The following PLG variants were observed in gnomAD, a reference collection of about 807,000 sequenced individuals.
PLG encodes the protein plasminogen.
PLG carries 41 observed loss-of-function variants against 104.4 expected under a neutral mutation model. The ratio of observed to expected loss-of-function variants is 0.39; its 90% confidence interval spans 0.31 to 0.51. The LOEUF (loss-of-function observed/expected upper bound fraction) is 0.51, where lower values mean the gene tolerates loss of function less well. Ranked by LOEUF, PLG falls within the 20% of genes least tolerant of loss-of-function variation. The probability of loss-of-function intolerance (pLI) is 0.76; values close to 1 mark genes in which losing one functional copy is unlikely to be tolerated. For missense variants in PLG, 891 were observed against 1,003.6 expected, an observed-to-expected ratio of 0.89 and a Z score of 1.52; for synonymous variants, 337 against 357.1, an observed-to-expected ratio of 0.94 and a Z score of 0.63.
intron 8 of PLG, 113 bp downstream of exon 8, chr6:160,718,569 A>T (rs769113729): frequency 1.2e-5 from 16 of 1,343,730 alleles, no homozygotes; most frequent in Middle Eastern, 2.0e-4. Context: ...AGAAAAACTG[A>T]TCTAGTCATA....
rs1391124466 is a variant in PLG at position 160,737,989 on chromosome 6, T to C, written c.1803-549T>C. 6.6e-6 allele frequency among the ~76,000 whole-genome samples: 1 copy of C among 152,038 alleles called. No individual in the cohort carries two copies. Among genetic ancestry groups the C allele is most frequent in the Non-Finnish European group, 1.5e-5 (1 of 68,020 alleles). The stretch of plus-strand genomic sequence containing the variant: ...TTCTTTAAATTTGGTTCCAAATGGC[T>C]CACACCATTATTCTGAGCTATTACC... On this transcript the variant is annotated intron_variant, in intron 14 of 18. Transcript: ENST00000308192. This position sits in a 1 kb window ranked among gnomAD's most constrained non-coding sequence, Gnocchi z 4.7.
rs1777792897 is a variant in PLG, at chr6:160,719,183, G to A, written c.1096+345G>A. 1.3e-5 allele frequency among the ~76,000 whole-genome samples: 2 copies of A among 152,132 alleles called. No individual in the cohort carries two copies. Among genetic ancestry groups the A allele is most frequent in the Admixed American group, 1.3e-4 (2 of 15,274 alleles). On this transcript the variant is annotated intron_variant, in intron 9 of 18. Transcript: ENST00000308192. The surrounding 1 kb of genome is among the most constrained non-coding windows in gnomAD (Gnocchi z 4.1). ...CTTCATTGACTACTGTGGATGAATGGTGATGTGTCCAACTTTAACTGTAAA... is the reference window on the plus strand; with the variant it reads ...CTTCATTGACTACTGTGGATGAATGATGATGTGTCCAACTTTAACTGTAAA...
chr6:160,744,085 A>C lies in PLG; in HGVS notation c.2125+2668A>C, dbSNP rs1322657601. 6.6e-6 allele frequency among the ~76,000 whole-genome samples: 1 copy of C among 152,188 alleles called. No individual in the cohort carries two copies. Reference sequence around the variant, plus strand: ...CAAGTATTTTGTAAAGGATTTTTGCATCAGTGTTCATCAAGGATATTGGCC... The same window carrying C: ...CAAGTATTTTGTAAAGGATTTTTGCCTCAGTGTTCATCAAGGATATTGGCC... On this transcript the variant is annotated intron_variant, in intron 17 of 18. Transcript: ENST00000308192. The surrounding 1 kb of genome is among the most constrained non-coding windows in gnomAD (Gnocchi z 4.5).
rs867833080 is a variant in PLG at position 160,752,475 on chromosome 6, G to A, written c.2271+215G>A. Reference sequence around the variant, plus strand: ...CTTGAGTTCCAAATCAGTAGCAAGCGAGTTTTAAGTGCCATAACTACCTCA... The same window carrying A: ...CTTGAGTTCCAAATCAGTAGCAAGCAAGTTTTAAGTGCCATAACTACCTCA... On this transcript the variant is annotated intron_variant, in intron 18 of 18. Transcript: ENST00000308192. The surrounding 1 kb of genome is among the most constrained non-coding windows in gnomAD (Gnocchi z 4.7). 1.3e-5 allele frequency among the ~76,000 whole-genome samples: 2 copies of A among 152,164 alleles called. No homozygotes were observed. Among genetic ancestry groups the A allele is most frequent in the African/African-American group, 2.4e-5 (1 of 41,440 alleles).
At position 160,732,384 on chromosome 6, in the gene PLG, T is replaced by C. The variant is rs1030689828; in HGVS notation, c.1587+491T>C. Among the ~76,000 whole-genome samples, 2 of 152,264 alleles carry C rather than the reference T, an allele frequency of 1.3e-5. No homozygotes were observed. Among genetic ancestry groups the C allele is most frequent in the Middle Eastern group, 3.4e-3 (1 of 294 alleles). The stretch of plus-strand genomic sequence containing the variant: ...TATAGGAAAAACCAAAGTGTCTGTG[T>C]TCCCCCACTCTCACACCCATGCAGC... On this transcript the variant is annotated intron_variant, in intron 12 of 18. Coordinates refer to ENST00000308192, the MANE Select transcript of PLG (RefSeq NM_000301.5). This position sits in a 1 kb window ranked among gnomAD's most constrained non-coding sequence, Gnocchi z 4.5.
At chr6:160,751,602 C>T (rs181187882) in intron 17 of PLG, among the ~76,000 whole-genome samples, 1 of 152,240 alleles carries the variant, frequency 6.6e-6, no homozygotes, top group Non-Finnish European at 1.5e-5. Context: ...ATCATATTTC[C>T]AGAACATTTT....
chr6:160,748,384 GAAA>G (rs1778322598), intron 17 of PLG, among the ~76,000 whole-genome samples: 2 of 47,178 alleles, frequency 4.2e-5, no homozygotes, highest in African/African-American at 1.4e-4. Flanking sequence ...AAGAAAGAAA[GAAA>G]GAAAGAAAGA....
intron 6 of PLG, among the ~76,000 whole-genome samples, chr6:160,716,425 G>T (rs554137562): frequency 6.6e-6 from 1 of 152,188 alleles, no homozygotes; most frequent in East Asian, 1.9e-4. Context: ...CAATAAGTGG[G>T]ACCCTGTCTC....
intron 2 of PLG, 122 bp from the exon 3 acceptor site, chr6:160,707,578 A>G (rs1289052545): frequency 1.4e-5 from 15 of 1,047,328 alleles, no homozygotes; most frequent in East Asian, 2.5e-5. Flanking sequence ...AGAGGCAGCA[A>G]TTCTGAGCTC....
At position 160,734,745 on chromosome 6, in the gene PLG, G is replaced by GAAAAAAA. The variant is rs201754541; in HGVS notation, c.1681+670_1681+676dup. Among the ~76,000 whole-genome samples the GAAAAAAA allele has an allele frequency of 8.8e-6, 1 of 113,918 alleles. No individual in the cohort carries two copies. Among genetic ancestry groups the GAAAAAAA allele is most frequent in the Non-Finnish European group, 1.9e-5 (1 of 52,604 alleles). The allele number at this position is 113,918 out of a possible 152,430, so 74.7% of individuals were successfully genotyped here. Reference sequence around the variant, plus strand: ...GAATAACAAATCCATGGGTATTTCTGAAAAAAAAAAAAAAAAAAAGAAAGG... The same window carrying GAAAAAAA: ...GAATAACAAATCCATGGGTATTTCTGAAAAAAAAAAAAAAAAAAAAAAAAAAGAAAGG... On this transcript the variant is annotated intron_variant, in intron 13 of 18. Coordinates refer to ENST00000308192, the MANE Select transcript of PLG (RefSeq NM_000301.5). This position sits in a 1 kb window ranked among gnomAD's most constrained non-coding sequence, Gnocchi z 4.4.
chr6:160,709,992 G>C (rs1439647809), intron 3 of PLG, among the ~76,000 whole-genome samples: 7 of 152,168 alleles, frequency 4.6e-5, no homozygotes, highest in Non-Finnish European at 8.8e-5. Context: ...TTCGAATATG[G>C]GGTCACCAGT....
In PLG at chr6:160,744,750, T is replaced by C. The variant is rs1201430225; in HGVS notation, c.2125+3333T>C. Among the ~76,000 whole-genome samples the C allele has an allele frequency of 1.3e-5, 2 of 152,186 alleles. No homozygotes were observed. The highest frequency in any genetic ancestry group is 2.9e-5 in the Non-Finnish European group (2 of 68,026). Reference sequence around the variant, plus strand: ...TCTCTAATTTTTTCCATTGTGATGTTAGGTTCTTAATTTGAGATCTTTCTT... The same window carrying C: ...TCTCTAATTTTTTCCATTGTGATGTCAGGTTCTTAATTTGAGATCTTTCTT... On this transcript the variant is annotated intron_variant, in intron 17 of 18. Transcript: ENST00000308192. This position sits in a 1 kb window ranked among gnomAD's most constrained non-coding sequence, Gnocchi z 4.5.
chr6:160,728,868 C>G (rs1777957221), intron 10 of PLG, among the ~76,000 whole-genome samples: 1 of 151,570 alleles, frequency 6.6e-6, no homozygotes, highest in African/African-American at 2.4e-5. Flanking sequence ...CAGGCAGGAC[C>G]CAGAAAACAC....
chr6:160,719,123 G>T lies in PLG; in HGVS notation c.1096+285G>T, dbSNP rs1183712467. Reference sequence around the variant, plus strand: ...CATTTAGGTGAAGTTGGTTGCTGGTGTTCTTCTGTATCCTTACTGATTGTC... The same window carrying T: ...CATTTAGGTGAAGTTGGTTGCTGGTTTTCTTCTGTATCCTTACTGATTGTC... On this transcript the variant is annotated intron_variant, in intron 9 of 18. Coordinates refer to ENST00000308192, the MANE Select transcript of PLG (RefSeq NM_000301.5). The surrounding 1 kb of genome is among the most constrained non-coding windows in gnomAD (Gnocchi z 4.1). 6.6e-6 allele frequency among the ~76,000 whole-genome samples: 1 copy of T among 152,162 alleles called. No homozygotes were observed. The highest frequency in any genetic ancestry group is 2.4e-5 in the African/African-American group (1 of 41,446).
chr6:160,728,460 T>C (rs1035822169), intron 10 of PLG, among the ~76,000 whole-genome samples: 2 of 21,104 alleles, frequency 9.5e-5, no homozygotes, highest in Non-Finnish European at 1.7e-4. Context: ...AAGGACAATA[T>C]TTAAAGAGAA....
chr6:160,752,100 T>C lies in PLG; in HGVS notation c.2126-15T>C, dbSNP rs1778411780. 2.5e-6 allele frequency: 4 copies of C among 1,612,418 alleles called. No individual in the cohort carries two copies. Among genetic ancestry groups the C allele is most frequent in the Non-Finnish European group, 3.4e-6 (4 of 1,178,594 alleles). On this transcript the variant is annotated splice_polypyrimidine_tract_variant and intron_variant, in intron 17 of 18. Coordinates refer to ENST00000308192, the MANE Select transcript of PLG (RefSeq NM_000301.5). This position sits in a 1 kb window ranked among gnomAD's most constrained non-coding sequence, Gnocchi z 4.7. ...TTGGGTGCAGTTGCCATTTCTTTCATCTTTTTAAACACAGGTACTTTTGGA... is the reference window on the plus strand; with the variant it reads ...TTGGGTGCAGTTGCCATTTCTTTCACCTTTTTAAACACAGGTACTTTTGGA...
Position 160,740,040 on chromosome 6 carries a change from G to A in PLG, c.2018+832G>A, listed in dbSNP as rs1778162097. Reference sequence around the variant, plus strand: ...AAGCAGGTTTGGGACAGGTGACAAGGCACGCAGGGCGCTCGCTGTGCTGGT... The same window carrying A: ...AAGCAGGTTTGGGACAGGTGACAAGACACGCAGGGCGCTCGCTGTGCTGGT... On this transcript the variant is annotated intron_variant, in intron 16 of 18. Transcript: ENST00000308192. The surrounding 1 kb of genome is among the most constrained non-coding windows in gnomAD (Gnocchi z 5.2). Among the ~76,000 whole-genome samples, 1 of 152,282 alleles carries A rather than the reference G, an allele frequency of 6.6e-6. No homozygotes were observed. Among genetic ancestry groups the A allele is most frequent in the South Asian group, 2.1e-4 (1 of 4,824 alleles).
rs66538071 is a variant in PLG, at chr6:160,749,482, TCACCAC to T, written c.2126-2616_2126-2611del. On this transcript the variant is annotated intron_variant, in intron 17 of 18. Transcript: ENST00000308192. ...ACCATTAACATTACCATCACTATCA[TCACCAC>T]CACCACCACCACCACCCCCATCATT... 6.8e-3 allele frequency among the ~76,000 whole-genome samples: 1,004 copies of T among 147,814 alleles called. 7 individuals carry two copies. The highest frequency in any genetic ancestry group is 1.0e-2 in the Non-Finnish European group (667 of 67,032).
At chr6:160,729,571 C>T (rs1437203231) in intron 10 of PLG, among the ~76,000 whole-genome samples, 1 of 152,128 alleles carries the variant, frequency 6.6e-6, no homozygotes, top group African/African-American at 2.4e-5. Context: ...AGTGACTGAT[C>T]CTCTCAAATA....
Sources: allele counts gnomAD v4.1 joint callset (sites outside exome capture counted in the v4.1 genomes callset), GRCh38; gene constraint gnomAD v4.1.1; non-coding constraint Gnocchi (gnomAD v3.1); transcripts MANE v1.5; gene names NCBI Gene and HGNC (gene_info 2026-07-23, HGNC 2026-07-21).